NOP14: variants seen among roughly 807,000 people sequenced by gnomAD.
The protein encoded by NOP14 is nucleolar protein 14.
Under a neutral mutation model 101.6 loss-of-function variants are expected in NOP14, and 57 were observed. The observed-to-expected ratio is 0.56, with a 90% CI of 0.45 to 0.70. The LOEUF is 0.70. NOP14 is among the 30% of genes least tolerant of loss of function. The pLI is 0.00. For missense variants in NOP14, 1,134 were observed against 1,075.5 expected (o/e 1.05, Z -0.76); for synonymous variants, 428 against 424.0 (o/e 1.01, Z -0.12).
chr4:2,956,194 C>A (rs866526937), intron 3 of NOP14, among the ~76,000 whole-genome samples: 1 of 152,148 alleles, frequency 6.6e-6, no homozygotes, highest in African/African-American at 2.4e-5. Context: ...CCTCAAACTG[C>A]TATAATTCCA....
chr4:2,949,766 A>G (rs1478530769), intron 8 of NOP14, among the ~76,000 whole-genome samples, 168 bp downstream of exon 8: 1 of 151,824 alleles, frequency 6.6e-6, no homozygotes, highest in Non-Finnish European at 1.5e-5. Context: ...ATGACCACTC[A>G]CTCTAAGACC....
At chr4:2,957,470 C>T (rs2109312665) in intron 2 of NOP14, 136 bp downstream of exon 2, 1 of 1,006,378 alleles carries the variant, frequency 9.9e-7, no homozygotes, top group Non-Finnish European at 1.5e-6. Flanking sequence ...CCAGATAAGG[C>T]ACAGGATTCG....
intron 15 of NOP14, 124 bp downstream of exon 15, chr4:2,941,458 G>A (rs959537054): frequency 5.4e-5 from 46 of 855,170 alleles, no homozygotes; most frequent in Non-Finnish European, 7.4e-5. Context: ...TCATATTTGT[G>A]ATTTTGCAAA....
chr4:2,954,602 G>T (rs746351321), intron 3 of NOP14, 39 bp from the exon 4 acceptor site: 2 of 1,605,146 alleles, frequency 1.2e-6, no homozygotes, highest in Admixed American at 1.7e-5. Context: ...GTGAAGCCCA[G>T]CCCTGGCGTG....
intron 5 of NOP14, 65 bp downstream of exon 5, chr4:2,953,446 C>T (rs976125440): frequency 6.9e-6 from 11 of 1,583,090 alleles, no homozygotes; most frequent in South Asian, 1.1e-5. Flanking sequence ...CCAGCCCTTT[C>T]TCTGGAGAAA....
intron 7 of NOP14, chr4:2,950,782 A>G: frequency 4.5e-6 from 1 of 223,074 alleles, no homozygotes. Flanking sequence ...CTCCCTCAAT[A>G]GTATGATGAG....
In NOP14 at chr4:2,939,560, G is replaced by T. The variant is rs762920436; in HGVS notation, c.2285C>A (p.Pro762Gln). ...PLTCEKSKPV[P>Q]LKLFTPRLVK... The stretch of plus-strand genomic sequence containing the variant: ...CAGCCGGGGTGTGAAAAGCTTCAGT[G>T]GGACAGGCTTGCTCTTCTCACAGGT... The change falls in exon 16 of 18, where the codon CCA becomes CAA. Residue 762 changes from proline to glutamine, a missense_variant. Physicochemically the swap from Pro to Gln is moderately conservative, Grantham distance 76. Transcript: ENST00000416614. 2 of 1,613,994 alleles carry T rather than the reference G, an allele frequency of 1.2e-6. No homozygotes were observed. The highest frequency in any genetic ancestry group is 4.5e-5 in the East Asian group (2 of 44,888).
intron 1 of NOP14, among the ~76,000 whole-genome samples, chr4:2,960,027 T>C (rs1715621629): frequency 6.6e-6 from 1 of 151,646 alleles, no homozygotes; most frequent in African/African-American, 2.4e-5. Context: ...TGGAGTGCAG[T>C]GGCACAATCT....
chr4:2,944,275 A>G, intron 12 of NOP14, 49 bp from the exon 13 acceptor site: 1 of 1,566,114 alleles, frequency 6.4e-7, no homozygotes, highest in Admixed American at 1.9e-5. Context: ...ATGTCATGCC[A>G]TGCTAGGCCG....
chr4:2,956,819 A>G lies in NOP14; in HGVS notation c.331-8T>C. 6.3e-7 allele frequency: 1 copy of G among 1,576,830 alleles called. No homozygotes were observed. Among genetic ancestry groups the G allele is most frequent in the Non-Finnish European group, 8.6e-7 (1 of 1,169,118 alleles). On this transcript the variant is annotated splice_polypyrimidine_tract_variant and splice_region_variant and intron_variant, in intron 2 of 17. Coordinates refer to ENST00000416614, the MANE Select transcript of NOP14 (RefSeq NM_001291978.2). ...TTTTTTCTCATGATGTCGCTGACAG[A>G]AGAGAAAAAAAGTTTCCTAAAATTA...
At chr4:2,948,732 G>C (rs1714823231) in intron 8 of NOP14, among the ~76,000 whole-genome samples, 1 of 152,222 alleles carries the variant, frequency 6.6e-6, no homozygotes, top group Admixed American at 6.5e-5. Flanking sequence ...TGGGATTACA[G>C]GCATGAGCCA....
rs950619746 is a variant in NOP14 at position 2,960,043 on chromosome 4, C to T, written c.196-2303G>A. Reference sequence around the variant, plus strand: ...GGAGTGCAGTGGCACAATCTCAGCTCACTACAACCTCCACCTGCCGGGTTC... The same window carrying T: ...GGAGTGCAGTGGCACAATCTCAGCTTACTACAACCTCCACCTGCCGGGTTC... On this transcript the variant is annotated intron_variant, in intron 1 of 17. Transcript: ENST00000416614. Among the ~76,000 whole-genome samples the T allele has an allele frequency of 2.0e-5, 3 of 151,764 alleles. No homozygotes were observed. In the East Asian group the frequency reaches 5.8e-4, roughly 30 times the overall value.
At position 2,952,367 on chromosome 4, in the gene NOP14, GC is replaced by G. The variant is rs752953568; in HGVS notation, c.777del (p.Glu259AspfsTer6). ...KPDAYDMMVR[E>X]LGFEMKAQPS... The stretch of plus-strand genomic sequence containing the variant: ...GGCTGCGCCTTCATTTCAAAGCCAA[GC>G]TCGCGAACCATCATGTCATATGCAT... On this transcript the variant is annotated frameshift_variant, in exon 6 of 18. Transcript: ENST00000416614. LOFTEE classifies it high-confidence loss of function. 8 of 1,612,922 alleles carry G rather than the reference GC, an allele frequency of 5.0e-6. No individual in the cohort carries two copies. The highest frequency in any genetic ancestry group is 1.3e-5 in the African/African-American group (1 of 74,892).
At position 2,955,340 on chromosome 4, in the gene NOP14, C is replaced by G. The variant is rs71608246; in HGVS notation, c.473-777G>C. ...ACGGCGCCCCCTCTAGTCACCTGCA[C>G]GCCACGGCGCCCCCTCTAGTCACCT... is the stretch of plus-strand genomic sequence containing the variant. On this transcript the variant is annotated intron_variant, in intron 3 of 17. Coordinates refer to ENST00000416614, the MANE Select transcript of NOP14 (RefSeq NM_001291978.2). Among the ~76,000 whole-genome samples, 620 of 78,026 alleles carry G rather than the reference C, an allele frequency of 7.9e-3. 29 individuals carry two copies. The highest frequency in any genetic ancestry group is 0.012 in the African/African-American group (196 of 16,450). The allele number at this position is 78,026 out of a possible 152,430, so 51.2% of individuals were successfully genotyped here.
In NOP14 at chr4:2,963,268, C is replaced by A. The variant is rs906177958; in HGVS notation, c.52G>T (p.Ala18Ser). ...GARRKASGAPAGARGGPAKAN... is the reference protein window; with the variant it reads ...GARRKASGAPSGARGGPAKAN... ...TTCGCCGGGCCCCCTCGCGCTCCCG[C>A]CGGCGCCCCGGAGGCCTTCCTTCGC... is the stretch of plus-strand genomic sequence containing the variant. Residue 18 changes from alanine (A) to serine (S), a missense_variant, in exon 1 of 18, where the codon GCG becomes TCG. By Grantham distance (99) the Ala-to-Ser change is moderately conservative. Transcript: ENST00000416614. 5.7e-6 allele frequency: 9 copies of A among 1,591,256 alleles called. No individual in the cohort carries two copies. Among genetic ancestry groups the A allele is most frequent in the African/African-American group, 1.4e-5 (1 of 72,010 alleles).
rs760949772 is a variant in NOP14, at chr4:2,944,086, G to C, written c.1878C>G (p.Asn626Lys). Residue 626 changes from asparagine (N) to lysine (K), a missense_variant, in exon 13 of 18, where the codon AAC becomes AAG. Physicochemically the swap from Asn to Lys is moderately conservative, Grantham distance 94 (BLOSUM62 0). Transcript: ENST00000416614. ...AAATCAACTCACCTTGGCTTGCTTT[G>C]TTTGGAGTTGCTATGTAAAGAATCC... ...LLGILYIATP[N>K]KASQGSTLVH... 1.1e-5 allele frequency: 18 copies of C among 1,609,122 alleles called. No homozygotes were observed. Among genetic ancestry groups the C allele is most frequent in the East Asian group, 2.2e-5 (1 of 44,836 alleles).
chr4:2,948,690 G>T (rs1468530423), intron 8 of NOP14, among the ~76,000 whole-genome samples: 1 of 152,154 alleles, frequency 6.6e-6, no homozygotes, highest in East Asian at 1.9e-4. Context: ...CCTGACCTCA[G>T]GTGATCCGCC....
At chr4:2,961,080 T>C (rs1311612894) in intron 1 of NOP14, among the ~76,000 whole-genome samples, 5 of 112,972 alleles carry the variant, frequency 4.4e-5, no homozygotes, top group Admixed American at 4.2e-4. Context: ...AATACTATAT[T>C]AATATTATAA....
chr4:2,942,550 C>T (rs1281303696), intron 13 of NOP14, among the ~76,000 whole-genome samples, 199 bp from the exon 14 acceptor site: 2 of 152,156 alleles, frequency 1.3e-5, no homozygotes, highest in Non-Finnish European at 2.9e-5. Context: ...GCAGGGGGCG[C>T]GGTGAGAGCC....
Sources: allele counts gnomAD v4.1 joint callset (sites outside exome capture counted in the v4.1 genomes callset), GRCh38; gene constraint gnomAD v4.1.1; transcripts MANE v1.5; gene names NCBI Gene and HGNC (gene_info 2026-07-23, HGNC 2026-07-21).